Variants in ARHGAP15 observed in about 807,000 individuals in gnomAD.
ARHGAP15 encodes rho GTPase-activating protein 15.
ARHGAP15 carries 51 observed loss-of-function variants against 63.7 expected under a neutral mutation model. The ratio of observed to expected loss-of-function variants is 0.80; its 90% confidence interval spans 0.64 to 1.01. ARHGAP15 has a LOEUF of 1.01. ARHGAP15 is among the 50% of genes least tolerant of loss of function. ARHGAP15 has a pLI of 0.00. For synonymous variants in ARHGAP15, 191 were observed against 193.8 expected (o/e 0.99, Z 0.12); for missense variants, 560 against 564.6 (o/e 0.99, Z 0.08).
At chr2:143,177,700 T>C (rs1277378602) in intron 2 of ARHGAP15, among the ~76,000 whole-genome samples, 3 of 152,148 alleles carry the variant, frequency 2.0e-5, no homozygotes, top group Non-Finnish European at 4.4e-5. Flanking sequence ...GATTTGCTTT[T>C]TTCACTCTGA....
At chr2:143,486,683 C>A (rs986320132) in intron 8 of ARHGAP15, among the ~76,000 whole-genome samples, 15 of 152,150 alleles carry the variant, frequency 9.9e-5, no homozygotes, top group African/African-American at 3.6e-4. Context: ...AGCATGGAGC[C>A]TGATTAGTAG....
chr2:143,340,066 T>C (rs1558905340), intron 6 of ARHGAP15, among the ~76,000 whole-genome samples: 1 of 152,184 alleles, frequency 6.6e-6, no homozygotes, highest in Non-Finnish European at 1.5e-5. Flanking sequence ...GTTTAAAACA[T>C]ACTGCTCATA....
chr2:143,522,319 T>G (rs1467741229), intron 10 of ARHGAP15, among the ~76,000 whole-genome samples: 1 of 152,122 alleles, frequency 6.6e-6, no homozygotes, highest in African/African-American at 2.4e-5. Context: ...ACAAGCAAAA[T>G]TTGGAAGACA....
At chr2:143,519,859 C>A (rs1445772436) in intron 10 of ARHGAP15, among the ~76,000 whole-genome samples, 1 of 152,142 alleles carries the variant, frequency 6.6e-6, no homozygotes, top group Non-Finnish European at 1.5e-5. Context: ...AAAAGACACA[C>A]CTCAAAAGAT....
chr2:143,723,246 T>G (rs994965742), intron 13 of ARHGAP15, among the ~76,000 whole-genome samples: 16 of 152,310 alleles, frequency 1.1e-4, no homozygotes, highest in African/African-American at 3.8e-4. Context: ...GATGCATTTA[T>G]CAGAATGTAT....
chr2:143,267,371 T>G (rs1266004980), intron 6 of ARHGAP15, among the ~76,000 whole-genome samples: 1 of 152,200 alleles, frequency 6.6e-6, no homozygotes, highest in East Asian at 1.9e-4. Context: ...TCAGCTCCTT[T>G]GATAAACACT....
intron 13 of ARHGAP15, among the ~76,000 whole-genome samples, chr2:143,732,764 G>T (rs1473611789): frequency 1.3e-5 from 2 of 151,726 alleles, no homozygotes; most frequent in Non-Finnish European, 2.9e-5. Context: ...GTTTGAAAAT[G>T]ATTTTATCTT....
rs190807033 is a variant in ARHGAP15 at position 143,256,459 on chromosome 2, A to G, written c.474+5859A>G. On this transcript the variant is annotated intron_variant, in intron 6 of 13. Transcript: ENST00000295095. The stretch of plus-strand genomic sequence containing the variant: ...TTTTTAATGTGCTATTCTTAGTGGC[A>G]TTAATGTAATATCCAATTAATTAAT... Among the ~76,000 whole-genome samples the G allele has an allele frequency of 1.6e-4, 25 of 152,232 alleles. No individual in the cohort carries two copies. The East Asian group carries it at 4.8e-3, about 29-fold the overall frequency.
chr2:143,738,108 T>TTTTTTTTTTTTTG (rs1553535485), intron 13 of ARHGAP15, among the ~76,000 whole-genome samples: 2 of 151,486 alleles, frequency 1.3e-5, no homozygotes, highest in African/African-American at 4.9e-5. Flanking sequence ...ATATATTTTT[T>TTTTTTTTTTTTTG]AACTTGGGCT....
chr2:143,540,118 C>T (rs1694976215), intron 10 of ARHGAP15, among the ~76,000 whole-genome samples: 2 of 151,988 alleles, frequency 1.3e-5, no homozygotes, highest in Admixed American at 1.3e-4. Context: ...TGAATTGATC[C>T]CTTTACCATT....
At chr2:143,492,314 G>A (rs762769822) in intron 9 of ARHGAP15, among the ~76,000 whole-genome samples, 3 of 152,072 alleles carry the variant, frequency 2.0e-5, no homozygotes, top group Non-Finnish European at 2.9e-5. Context: ...AAAATTGAGC[G>A]CTAAGCCTCC....
At chr2:143,722,357 C>T (rs1487738403) in intron 13 of ARHGAP15, among the ~76,000 whole-genome samples, 1 of 152,038 alleles carries the variant, frequency 6.6e-6, no homozygotes, top group Non-Finnish European at 1.5e-5. Flanking sequence ...AATGCCGTTA[C>T]TTGCCAACAA....
At chr2:143,422,769 G>A (rs1206556952) in intron 6 of ARHGAP15, among the ~76,000 whole-genome samples, 1 of 152,118 alleles carries the variant, frequency 6.6e-6, no homozygotes, top group Admixed American at 6.6e-5. Context: ...GAGATGCTCT[G>A]CAGAGCCCCA....
chr2:143,308,935 CAAAA>C (rs35757623), intron 6 of ARHGAP15, among the ~76,000 whole-genome samples: 4,840 of 107,378 alleles, frequency 0.045, 77 homozygotes, highest in African/African-American at 0.079. Flanking sequence ...TCCTGGCAGC[CAAAA>C]AAAAAAAAAA....
rs868364624 is a variant in ARHGAP15, at chr2:143,321,501, T to C, written c.474+70901T>C. ...ACTTCTGGTAACTTCCGGGGGAAAG[T>C]CCTAAGAGGGCTGTTCACTGGCCTT... On this transcript the variant is annotated intron_variant, in intron 6 of 13. Transcript: ENST00000295095. Among the ~76,000 whole-genome samples the C allele has an allele frequency of 8.5e-5, 13 of 152,316 alleles. 1 individual carries two copies. Among genetic ancestry groups the C allele is most frequent in the Middle Eastern group, 3.4e-3 (1 of 294 alleles).
At chr2:143,530,370 G>T (rs1229209657) in intron 10 of ARHGAP15, among the ~76,000 whole-genome samples, 1 of 152,042 alleles carries the variant, frequency 6.6e-6, no homozygotes, top group African/African-American at 2.4e-5. Flanking sequence ...TCCAATACAG[G>T]TTTCAGACAA....
intron 8 of ARHGAP15, among the ~76,000 whole-genome samples, chr2:143,477,230 A>T (rs1691862970): frequency 6.6e-6 from 1 of 151,848 alleles, no homozygotes. Context: ...ACACACATAT[A>T]CAGCAGCTAA....
intron 2 of ARHGAP15, among the ~76,000 whole-genome samples, chr2:143,199,963 T>C (rs117639071): frequency 6.6e-6 from 1 of 152,242 alleles, no homozygotes; most frequent in East Asian, 1.9e-4. Flanking sequence ...CTGTCCCACT[T>C]TCCCTACCAC....
chr2:143,233,185 TC>T (rs1228112798), intron 5 of ARHGAP15, among the ~76,000 whole-genome samples: 1 of 152,138 alleles, frequency 6.6e-6, no homozygotes, highest in East Asian at 1.9e-4. Context: ...TTTGCCACAT[TC>T]TTTGCTATTT....
Sources: gnomAD v4.1 joint callset for allele counts (sites outside exome capture counted in the v4.1 genomes callset) on GRCh38, gnomAD v4.1.1 for gene constraint, MANE v1.5 for transcripts, NCBI Gene and HGNC (gene_info 2026-07-23, HGNC 2026-07-21) for gene names.